DHRS7B: variants seen among roughly 807,000 people sequenced by gnomAD.
DHRS7B encodes peroxisomal reductase activating PPAR-gamma.
A neutral mutation model predicts 26.4 loss-of-function variants in DHRS7B; 24 were observed. The observed-to-expected ratio is 0.91, with a 90% CI of 0.66 to 1.28. The LOEUF (loss-of-function observed/expected upper bound fraction) is 1.28, where lower values mean the gene tolerates loss of function less well. Among genes scored for constraint, DHRS7B ranks in the 50% most tolerant of loss-of-function variants. The pLI is 0.00. For missense variants in DHRS7B, 368 were observed against 419.4 expected (o/e 0.88, Z 1.07); for synonymous variants, 142 against 166.4 (o/e 0.85, Z 1.13).
chr17:21,150,282 C>A (rs1233417193), intron 1 of DHRS7B, among the ~76,000 whole-genome samples: 1 of 152,146 alleles, frequency 6.6e-6, no homozygotes, highest in Non-Finnish European at 1.5e-5. Context: ...ACAACCACTT[C>A]ATGGGTGTAG....
chr17:21,130,004 A>G (rs1198496990), intron 1 of DHRS7B, among the ~76,000 whole-genome samples: 1 of 152,234 alleles, frequency 6.6e-6, no homozygotes, highest in East Asian at 1.9e-4. Flanking sequence ...AAAACATGAA[A>G]CAGCTCTATG....
At chr17:21,149,043 AAG>A (rs1973703115) in intron 1 of DHRS7B, among the ~76,000 whole-genome samples, 3 of 152,176 alleles carry the variant, frequency 2.0e-5, no homozygotes, top group African/African-American at 7.2e-5. Context: ...AAGGTCAACA[AAG>A]AGAGAATCCT....
chr17:21,168,495 A>C (rs1030325111), intron 1 of DHRS7B, among the ~76,000 whole-genome samples: 2 of 152,110 alleles, frequency 1.3e-5, no homozygotes, highest in African/African-American at 4.8e-5. Context: ...CAGCCTCCCA[A>C]GAAGCTGGGA....
chr17:21,179,253 G>T (rs537134069), intron 3 of DHRS7B, among the ~76,000 whole-genome samples: 1 of 152,082 alleles, frequency 6.6e-6, no homozygotes, highest in Non-Finnish European at 1.5e-5. Context: ...TAAAAATGAT[G>T]TTGAGCATCT....
intron 1 of DHRS7B, among the ~76,000 whole-genome samples, chr17:21,133,751 C>T (rs971358989): frequency 6.6e-6 from 1 of 152,164 alleles, no homozygotes; most frequent in Non-Finnish European, 1.5e-5. Flanking sequence ...CCTGAAAGCT[C>T]ATTCTTAGCA....
chr17:21,135,070 A>G (rs563181962), intron 1 of DHRS7B, among the ~76,000 whole-genome samples: 3 of 152,308 alleles, frequency 2.0e-5, no homozygotes, highest in African/African-American at 2.4e-5. Context: ...CAAGACAACA[A>G]TTGTCTGTGG....
chr17:21,166,532 T>C, intron 1 of DHRS7B: 1 of 846,778 alleles, frequency 1.2e-6, no homozygotes, highest in Non-Finnish European at 1.4e-6. Flanking sequence ...TTCTCAGACA[T>C]TTGAGACCAA....
chr17:21,143,481 G>A (rs1221206879), intron 1 of DHRS7B, among the ~76,000 whole-genome samples: 2 of 152,202 alleles, frequency 1.3e-5, no homozygotes, highest in Non-Finnish European at 2.9e-5. Flanking sequence ...AAATAAAAAT[G>A]TACTTCAGAT....
At chr17:21,127,073 A>G in intron 1 of DHRS7B, 82 bp downstream of exon 1, 4 of 1,405,998 alleles carry the variant, frequency 2.8e-6, no homozygotes, top group African/African-American at 1.5e-5. Flanking sequence ...GGCTTGGGTG[A>G]GGGGAAGCGG....
chr17:21,157,309 T>C (rs1973902906), intron 1 of DHRS7B, among the ~76,000 whole-genome samples: 1 of 152,144 alleles, frequency 6.6e-6, no homozygotes, highest in African/African-American at 2.4e-5. Context: ...GCAAATATCC[T>C]CAAAAAATAT....
intron 1 of DHRS7B, among the ~76,000 whole-genome samples, chr17:21,162,983 G>A (rs1444780730): frequency 6.6e-6 from 1 of 152,026 alleles, no homozygotes; most frequent in Non-Finnish European, 1.5e-5. Flanking sequence ...ATCATCTGAG[G>A]TGAGGACTTC....
chr17:21,134,879 G>T (rs1008007466), intron 1 of DHRS7B, among the ~76,000 whole-genome samples: 3 of 152,156 alleles, frequency 2.0e-5, no homozygotes, highest in African/African-American at 7.2e-5. Context: ...CAAAAATTCA[G>T]TCCATGCAGT....
chr17:21,174,800 T>A (rs1168368749), intron 2 of DHRS7B, among the ~76,000 whole-genome samples: 1 of 152,218 alleles, frequency 6.6e-6, no homozygotes, highest in Non-Finnish European at 1.5e-5. Flanking sequence ...CCAAGGTTCC[T>A]AGCCTTTGGG....
chr17:21,156,012 A>G (rs1000764341), intron 1 of DHRS7B, among the ~76,000 whole-genome samples: 9 of 152,198 alleles, frequency 5.9e-5, no homozygotes, highest in African/African-American at 1.7e-4. Flanking sequence ...AGAAAAGAAG[A>G]AAGATCTAAA....
intron 1 of DHRS7B, among the ~76,000 whole-genome samples, chr17:21,170,068 A>C (rs1774843444): frequency 6.6e-6 from 1 of 152,216 alleles, no homozygotes; most frequent in African/African-American, 2.4e-5. Flanking sequence ...ATTACATGCA[A>C]GTTTTAAGCT....
At chr17:21,139,790 T>G (rs1358638246) in intron 1 of DHRS7B, among the ~76,000 whole-genome samples, 2 of 152,110 alleles carry the variant, frequency 1.3e-5, no homozygotes, top group Non-Finnish European at 2.9e-5. Context: ...AAAACTTGCT[T>G]TTTATTAAAG....
At chr17:21,141,467 A>G (rs1192981390) in intron 1 of DHRS7B, among the ~76,000 whole-genome samples, 3 of 152,012 alleles carry the variant, frequency 2.0e-5, no homozygotes, top group African/African-American at 7.3e-5. Context: ...CACACACACA[A>G]AACAGCAATA....
At position 21,184,375 on chromosome 17, in the gene DHRS7B, C is replaced by G; in HGVS notation, c.531C>G (p.Leu177=). 6.2e-7 allele frequency: 1 copy of G among 1,614,100 alleles called. No homozygotes were observed. Among genetic ancestry groups the G allele is most frequent in the Non-Finnish European group, 8.5e-7 (1 of 1,179,978 alleles). The change falls in exon 5 of 7, where the codon CTC becomes CTG. Residue 177 remains leucine, a synonymous_variant. Coordinates refer to ENST00000395511, the MANE Select transcript of DHRS7B (RefSeq NM_015510.5). ...AGCCTCTGCATCTGTCCTCAGCACT[C>G]CTGCCCTCCATGATCAAGAGGAGGC... ...YFGPVALTKA[L]LPSMIKRRQG...
intron 4 of DHRS7B, 59 bp downstream of exon 4, chr17:21,183,869 C>A: frequency 6.9e-7 from 1 of 1,459,736 alleles, no homozygotes; most frequent in Non-Finnish European, 9.6e-7. Flanking sequence ...TTTTACTTCA[C>A]TTGGATCCTT....
Sources: allele counts gnomAD v4.1 joint callset (sites outside exome capture counted in the v4.1 genomes callset), GRCh38; gene constraint gnomAD v4.1.1; transcripts MANE v1.5; gene names NCBI Gene and HGNC (gene_info 2026-07-23, HGNC 2026-07-21).